Variants in RTN1 observed in about 807,000 individuals in gnomAD.
The protein encoded by RTN1 is reticulon 1.
In RTN1, 25 loss-of-function variants were observed where a neutral mutation model predicts 65.5. The ratio of observed to expected loss-of-function variants is 0.38; its 90% confidence interval spans 0.28 to 0.53. RTN1 has a LOEUF of 0.53. Ranked by LOEUF, RTN1 falls within the 20% of genes least tolerant of loss-of-function variation. The pLI is 0.79. For missense variants in RTN1, 983 were observed against 1,025.4 expected, an observed-to-expected ratio of 0.96 and a Z score of 0.57; for synonymous variants, 471 against 447.6, an observed-to-expected ratio of 1.05 and a Z score of -0.66.
chr14:59,733,177 C>T (rs775254415), intron 2 of RTN1, among the ~76,000 whole-genome samples: 12 of 151,888 alleles, frequency 7.9e-5, no homozygotes, highest in East Asian at 1.9e-4. Context: ...CTGTAACCTC[C>T]GCCTCCCGGG....
At chr14:59,644,226 A>G (rs1882842138) in intron 3 of RTN1, among the ~76,000 whole-genome samples, 1 of 152,238 alleles carries the variant, frequency 6.6e-6, no homozygotes, top group Admixed American at 6.5e-5. Context: ...ACATCCAGGT[A>G]CATGTATTAG....
At chr14:59,684,876 G>GAGAAATATGTA (rs1566684501) in intron 3 of RTN1, among the ~76,000 whole-genome samples, 52 of 152,198 alleles carry the variant, frequency 3.4e-4, no homozygotes, top group Admixed American at 2.0e-3. Context: ...GTACAGTGCT[G>GAGAAATATGTA]CTGATGAGAA....
At chr14:59,781,323 C>T (rs1886151552) in intron 1 of RTN1, among the ~76,000 whole-genome samples, 1 of 151,954 alleles carries the variant, frequency 6.6e-6, no homozygotes, top group African/African-American at 2.4e-5. Context: ...GTTATAGAAA[C>T]AAAAATCTCC....
intron 1 of RTN1, among the ~76,000 whole-genome samples, chr14:59,762,304 C>T (rs949394413): frequency 6.6e-6 from 1 of 152,160 alleles, no homozygotes; most frequent in Non-Finnish European, 1.5e-5. Context: ...AGTTTCCTCA[C>T]TTGCAAAAGG....
At chr14:59,752,752 A>G (rs951369371) in intron 1 of RTN1, among the ~76,000 whole-genome samples, 1 of 152,210 alleles carries the variant, frequency 6.6e-6, no homozygotes, top group African/African-American at 2.4e-5. Flanking sequence ...GGACTCTTCA[A>G]TCCATTAACG....
chr14:59,612,917 C>T (rs538592598), intron 3 of RTN1, among the ~76,000 whole-genome samples: 1 of 152,340 alleles, frequency 6.6e-6, no homozygotes, highest in South Asian at 2.1e-4. Context: ...CTGTATAGCT[C>T]AGTAGCTACG....
Position 59,745,999 on chromosome 14 carries a change from G to A in RTN1, c.724C>T (p.Pro242Ser). The A allele has an allele frequency of 6.2e-7, 1 of 1,614,108 alleles. No homozygotes were observed. Residue 242 changes from proline to serine, a missense_variant, in exon 2 of 9, where the codon CCA (proline) becomes TCA (serine). Pro to Ser is a moderately conservative substitution (Grantham distance 74). Coordinates refer to ENST00000267484, the MANE Select transcript of RTN1 (RefSeq NM_021136.3). ...ATGATTTTTCCCTCCACAGGAGCTGGTTTGTCAGGTTCACGGACTCCTTCA... is the reference window on the plus strand; with the variant it reads ...ATGATTTTTCCCTCCACAGGAGCTGATTTGTCAGGTTCACGGACTCCTTCA... ...KPEGVREPDK[P>S]APVEGKIIKD... is the part of the protein sequence containing the mutation.
At chr14:59,698,075 C>A (rs1334595004) in intron 3 of RTN1, among the ~76,000 whole-genome samples, 3 of 152,148 alleles carry the variant, frequency 2.0e-5, no homozygotes, top group East Asian at 1.9e-4. Flanking sequence ...TATGGCCCTG[C>A]ATGATACAAC....
At chr14:59,783,634 A>T (rs2139578042) in intron 1 of RTN1, among the ~76,000 whole-genome samples, 1 of 152,302 alleles carries the variant, frequency 6.6e-6, no homozygotes, top group South Asian at 2.1e-4. Flanking sequence ...TGGACTCAGA[A>T]ATCAAAGATG....
chr14:59,777,427 C>T (rs888064122), intron 1 of RTN1, among the ~76,000 whole-genome samples: 2 of 152,198 alleles, frequency 1.3e-5, no homozygotes, highest in African/African-American at 4.8e-5. Flanking sequence ...AGGCTACACA[C>T]ATACCATTTT....
chr14:59,787,697 G>T (rs536465712), intron 1 of RTN1, among the ~76,000 whole-genome samples: 3 of 152,144 alleles, frequency 2.0e-5, no homozygotes, highest in African/African-American at 7.2e-5. Context: ...GGGAGGTGGG[G>T]AAGAGGCTGG....
intron 1 of RTN1, among the ~76,000 whole-genome samples, chr14:59,804,496 T>G (rs1264093423): frequency 1.3e-5 from 2 of 152,328 alleles, no homozygotes; most frequent in South Asian, 2.1e-4. Flanking sequence ...TCTATCGATA[T>G]TTTTAAAATA....
Position 59,623,030 on chromosome 14 carries a change from G to GCA in RTN1, c.1766-15540_1766-15539dup, listed in dbSNP as rs1481680078. Among the ~76,000 whole-genome samples the GCA allele has an allele frequency of 2.0e-5, 3 of 152,208 alleles. No individual in the cohort carries two copies. The East Asian group carries it at 5.8e-4, about 29-fold the overall frequency. On this transcript the variant is annotated intron_variant, in intron 3 of 8. Coordinates refer to ENST00000267484, the MANE Select transcript of RTN1 (RefSeq NM_021136.3). ...GGTGCTTTCTATAGATAGTAAAAGA[G>GCA]CATAGCATTTAATCCACCACTTTAA...
intron 3 of RTN1, among the ~76,000 whole-genome samples, chr14:59,692,596 A>G (rs889168955): frequency 3.3e-5 from 5 of 152,212 alleles, no homozygotes; most frequent in African/African-American, 1.2e-4. Context: ...AAGAGCCTGA[A>G]GAGCCAATGC....
chr14:59,654,538 T>C lies in RTN1; in HGVS notation c.1766-47046A>G, dbSNP rs530120582. Reference sequence around the variant, plus strand: ...AAGTCATTATGAAAAAAAAAAAAACTACAGAGCAATATCTCTTATGAATAT... The same window carrying C: ...AAGTCATTATGAAAAAAAAAAAAACCACAGAGCAATATCTCTTATGAATAT... On this transcript the variant is annotated intron_variant, in intron 3 of 8. Coordinates refer to ENST00000267484, the MANE Select transcript of RTN1 (RefSeq NM_021136.3). Among the ~76,000 whole-genome samples the C allele has an allele frequency of 4.8e-5, 7 of 146,454 alleles. 1 individual carries two copies. The highest frequency in any genetic ancestry group is 1.5e-4 in the African/African-American group (6 of 39,696).
intron 3 of RTN1, among the ~76,000 whole-genome samples, chr14:59,715,603 A>C (rs1368050421): frequency 6.6e-6 from 1 of 152,186 alleles, no homozygotes; most frequent in African/African-American, 2.4e-5. Flanking sequence ...AGGCAGGTGG[A>C]TCACTTGAGG....
intron 1 of RTN1, among the ~76,000 whole-genome samples, chr14:59,782,949 A>AG (rs1177016217): frequency 2.0e-5 from 3 of 152,160 alleles, no homozygotes; most frequent in Non-Finnish European, 4.4e-5. Context: ...TGGAGGCTGC[A>AG]GGGGCCCTGA....
chr14:59,849,369 G>GA lies in RTN1; in HGVS notation c.241+21020dup, dbSNP rs574603998. Among the ~76,000 whole-genome samples the GA allele has an allele frequency of 5.3e-4, 80 of 152,220 alleles. No homozygotes were observed. The highest frequency in any genetic ancestry group is 9.1e-4 in the Non-Finnish European group (62 of 67,994). On this transcript the variant is annotated intron_variant, in intron 1 of 8. Transcript: ENST00000267484. The surrounding 1 kb of genome is among the most constrained non-coding windows in gnomAD (Gnocchi z 4.5). ...ATTTTCATATTTGAGCATGGTAAAA[G>GA]AAAAACCAATTAACTCCCTGATATT...
chr14:59,641,798 C>T (rs943524546), intron 3 of RTN1, among the ~76,000 whole-genome samples: 2 of 152,228 alleles, frequency 1.3e-5, no homozygotes, highest in Non-Finnish European at 2.9e-5. Flanking sequence ...ATCAAACTCC[C>T]TTAGTCTCTG....
Sources: gnomAD v4.1 joint callset for allele counts (sites outside exome capture counted in the v4.1 genomes callset) on GRCh38, gnomAD v4.1.1 for gene constraint, Gnocchi (gnomAD v3.1) non-coding constraint, MANE v1.5 for transcripts, NCBI Gene and HGNC (gene_info 2026-07-23, HGNC 2026-07-21) for gene names.